Variants in SLC39A11 observed in about 807,000 individuals in gnomAD.
The protein encoded by SLC39A11 is zinc transporter ZIP11.
In SLC39A11, 33 loss-of-function variants were observed where a neutral mutation model predicts 36.1. That is an observed-to-expected ratio of 0.91 (90% CI 0.69 to 1.22). The LOEUF is 1.22. Ranked by LOEUF, SLC39A11 falls within the 50% of genes most tolerant of loss-of-function variation. SLC39A11 has a pLI of 0.00. For synonymous variants in SLC39A11, 166 were observed against 170.3 expected, an observed-to-expected ratio of 0.97 and a Z score of 0.20; for missense variants, 432 against 430.3, an observed-to-expected ratio of 1.00 and a Z score of -0.03.
Position 72,931,009 on chromosome 17 carries a change from G to T in SLC39A11, c.430+16743C>A, listed in dbSNP as rs1389348. Among the ~76,000 whole-genome samples, 8 of 152,294 alleles carry T rather than the reference G, an allele frequency of 5.3e-5. No individual in the cohort carries two copies. The East Asian group carries it at 1.4e-3, about 26-fold the overall frequency. ...AGGAAATGCTGCACTGGGGCTGCAC[G>T]TGGCAGCCCTGGGTCCAAGAGAGCC... is the stretch of plus-strand genomic sequence containing the variant. On this transcript the variant is annotated intron_variant, in intron 5 of 9. Transcript: ENST00000255559.
intron 6 of SLC39A11, among the ~76,000 whole-genome samples, chr17:72,790,703 T>C (rs2076673013): frequency 6.6e-6 from 1 of 152,080 alleles, no homozygotes; most frequent in South Asian, 2.1e-4. Flanking sequence ...AGCTAATTTT[T>C]GTATTTTTTA....
At chr17:73,082,142 A>G (rs75198067) in intron 3 of SLC39A11, among the ~76,000 whole-genome samples, 1 of 146,272 alleles carries the variant, frequency 6.8e-6, no homozygotes, top group African/African-American at 2.5e-5. Flanking sequence ...AAAAAAAAAA[A>G]GGGCAAAAAT....
At position 72,741,655 on chromosome 17, in the gene SLC39A11, T is replaced by C. The variant is rs138622720; in HGVS notation, c.602-4936A>G. Among the ~76,000 whole-genome samples the C allele has an allele frequency of 7.9e-5, 12 of 152,188 alleles. No individual in the cohort carries two copies. In the East Asian group the frequency reaches 1.9e-3, roughly 25 times the overall value. ...TAATGTGGAGCACTAGTATTTGCAT[T>C]AAAATGACTAATTCAAATATAGGTG... On this transcript the variant is annotated intron_variant, in intron 6 of 9. Transcript: ENST00000255559.
At chr17:72,931,013 C>A (rs1176622744) in intron 5 of SLC39A11, among the ~76,000 whole-genome samples, 1 of 152,162 alleles carries the variant, frequency 6.6e-6, no homozygotes, top group African/African-American at 2.4e-5. Context: ...CTGCACGTGG[C>A]AGCCCTGGGT....
chr17:72,835,417 G>A (rs60132989), intron 6 of SLC39A11, among the ~76,000 whole-genome samples: 7,068 of 152,152 alleles, frequency 0.046, 196 homozygotes, highest in Non-Finnish European at 0.062. Flanking sequence ...GAGGTGGAGG[G>A]GAATTAATGT....
intron 3 of SLC39A11, among the ~76,000 whole-genome samples, chr17:73,062,728 A>G (rs985045724): frequency 1.3e-5 from 2 of 152,116 alleles, no homozygotes; most frequent in Non-Finnish European, 2.9e-5. Context: ...CGTGGAAGAC[A>G]GTTTTTCCAC....
intron 6 of SLC39A11, among the ~76,000 whole-genome samples, chr17:72,838,297 C>T (rs1005621074): frequency 1.2e-4 from 18 of 151,110 alleles, no homozygotes; most frequent in African/African-American, 4.1e-4. Context: ...GGCACAACCA[C>T]GGCTCACTGC....
At chr17:73,040,793 TGG>T (rs1568172753) in intron 3 of SLC39A11, among the ~76,000 whole-genome samples, 1 of 152,054 alleles carries the variant, frequency 6.6e-6, no homozygotes, top group Admixed American at 6.6e-5. Context: ...GAGACCAGCC[TGG>T]TCAATATGGT....
At chr17:72,917,470 G>A (rs573159679) in intron 5 of SLC39A11, among the ~76,000 whole-genome samples, 1 of 152,294 alleles carries the variant, frequency 6.6e-6, no homozygotes, top group East Asian at 1.9e-4. Context: ...AACACCTGGA[G>A]CATGTGAGGG....
intron 6 of SLC39A11, among the ~76,000 whole-genome samples, chr17:72,739,248 C>T (rs62069548): frequency 0.044 from 6,639 of 152,066 alleles, 203 homozygotes; most frequent in Middle Eastern, 0.095. Flanking sequence ...CTGCCTCAGC[C>T]TCCCAAGTAG....
At chr17:72,904,154 C>T (rs2082533133) in intron 5 of SLC39A11, among the ~76,000 whole-genome samples, 1 of 152,146 alleles carries the variant, frequency 6.6e-6, no homozygotes, top group African/African-American at 2.4e-5. Flanking sequence ...GAGCCCAAGC[C>T]GGGCGCGGTG....
At chr17:73,076,701 C>T (rs1383340209) in intron 3 of SLC39A11, among the ~76,000 whole-genome samples, 1 of 152,152 alleles carries the variant, frequency 6.6e-6, no homozygotes, top group Non-Finnish European at 1.5e-5. Flanking sequence ...CTGACACTCA[C>T]TACGTGTGCC....
chr17:72,679,346 A>G (rs890033769), intron 7 of SLC39A11, among the ~76,000 whole-genome samples: 9 of 152,242 alleles, frequency 5.9e-5, no homozygotes, highest in African/African-American at 2.2e-4. Context: ...TGATTTGATC[A>G]TTACACAGTG....
chr17:72,991,963 A>G (rs1430217098), intron 4 of SLC39A11, among the ~76,000 whole-genome samples: 5 of 152,250 alleles, frequency 3.3e-5, no homozygotes, highest in Admixed American at 3.3e-4. Flanking sequence ...TCAACAGTGC[A>G]TGAGAGTTCC....
chr17:72,781,933 T>G (rs959915611), intron 6 of SLC39A11, among the ~76,000 whole-genome samples: 1 of 145,770 alleles, frequency 6.9e-6, no homozygotes, highest in Non-Finnish European at 1.5e-5. Context: ...CTCTGCACTG[T>G]AGTGGGTTGA....
At chr17:72,720,523 G>C (rs2143568623) in intron 7 of SLC39A11, among the ~76,000 whole-genome samples, 1 of 152,264 alleles carries the variant, frequency 6.6e-6, no homozygotes, top group African/African-American at 2.4e-5. Flanking sequence ...GGGGAGGCAG[G>C]GAGTGGGGAG....
At chr17:72,941,614 T>G (rs1331497760) in intron 5 of SLC39A11, among the ~76,000 whole-genome samples, 1 of 151,696 alleles carries the variant, frequency 6.6e-6, no homozygotes, top group Non-Finnish European at 1.5e-5. Context: ...TGCTCCATAT[T>G]AGGCCAAATA....
chr17:72,683,828 C>T (rs1214516438), intron 7 of SLC39A11, among the ~76,000 whole-genome samples: 5 of 151,856 alleles, frequency 3.3e-5, no homozygotes, highest in African/African-American at 1.2e-4. Flanking sequence ...TCCTGGGACT[C>T]CATCACTTAC....
At chr17:72,937,470 A>AAAAT (rs905838804) in intron 5 of SLC39A11, among the ~76,000 whole-genome samples, 10 of 143,678 alleles carry the variant, frequency 7.0e-5, no homozygotes, top group African/African-American at 1.7e-4. Flanking sequence ...AAACAAACAA[A>AAAAT]AAATAAATAA....
Sources: gnomAD v4.1 joint callset for allele counts (sites outside exome capture counted in the v4.1 genomes callset) on GRCh38, gnomAD v4.1.1 for gene constraint, MANE v1.5 for transcripts, NCBI Gene and HGNC (gene_info 2026-07-23, HGNC 2026-07-21) for gene names.